Variants in BMP2K observed in about 807,000 individuals in gnomAD.
BMP2K encodes the protein BMP-2-inducible protein kinase.
A neutral mutation model predicts 116.0 loss-of-function variants in BMP2K; 74 were observed. The ratio of observed to expected loss-of-function variants is 0.64; its 90% CI spans 0.53 to 0.77. The LOEUF (loss-of-function observed/expected upper bound fraction) is 0.77. Ranked by LOEUF, BMP2K falls within the 30% of genes least tolerant of loss-of-function variation. BMP2K has a pLI of 0.00. For missense variants in BMP2K, 1,365 were observed against 1,403.6 expected (o/e 0.97, Z 0.44); for synonymous variants, 486 against 502.5 (o/e 0.97, Z 0.44).
chr4:78,891,001 C>A (rs1318220528), intron 15 of BMP2K, among the ~76,000 whole-genome samples: 1 of 152,114 alleles, frequency 6.6e-6, no homozygotes, highest in Non-Finnish European at 1.5e-5. Flanking sequence ...GAGTTTAAGA[C>A]CAGTCTGGGT....
At chr4:78,865,854 A>T (rs1732026097) in intron 10 of BMP2K, 134 bp downstream of exon 10, 3 of 846,896 alleles carry the variant, frequency 3.5e-6, no homozygotes, top group Non-Finnish European at 5.4e-6. Flanking sequence ...CTTTCTATTG[A>T]TGTCTAATAA....
At chr4:78,791,272 C>G (rs1344137357) in intron 1 of BMP2K, among the ~76,000 whole-genome samples, 1 of 152,014 alleles carries the variant, frequency 6.6e-6, no homozygotes, top group Non-Finnish European at 1.5e-5. Context: ...TCCTCAAGAC[C>G]CTTTGATAGG....
intron 15 of BMP2K, among the ~76,000 whole-genome samples, chr4:78,890,919 G>A (rs2110080024): frequency 6.6e-6 from 1 of 152,328 alleles, no homozygotes; most frequent in East Asian, 1.9e-4. Flanking sequence ...CCTAGGCTGG[G>A]TGGGGTGGCT....
At chr4:78,796,623 AG>A (rs1728298402) in intron 1 of BMP2K, among the ~76,000 whole-genome samples, 1 of 152,184 alleles carries the variant, frequency 6.6e-6, no homozygotes, top group South Asian at 2.1e-4. Flanking sequence ...GGCCACTTAA[AG>A]GAGTCCCAAA....
chr4:78,829,787 T>TTCTCTTCTCTTCTCTTCTCTTCTCTTCTC (rs1730090588), intron 2 of BMP2K, among the ~76,000 whole-genome samples: 18 of 86,644 alleles, frequency 2.1e-4, no homozygotes, highest in South Asian at 4.7e-4. Context: ...TTTCTTTTCT[T>TTCTCTTCTCTTCTCTTCTCTTCTCTTCTC]TTCTCTTCTC....
intron 1 of BMP2K, among the ~76,000 whole-genome samples, chr4:78,803,713 A>G (rs1728683235): frequency 6.6e-6 from 1 of 152,156 alleles, no homozygotes; most frequent in South Asian, 2.1e-4. Context: ...TTACTAGAGA[A>G]TTACTTTCCT....
In BMP2K at chr4:78,861,763, A is replaced by T. The variant is rs1037675500; in HGVS notation, c.1067+295A>T. Among the ~76,000 whole-genome samples, 8 of 152,074 alleles carry T rather than the reference A, an allele frequency of 5.3e-5. No individual in the cohort carries two copies. The South Asian group carries it at 1.7e-3, about 32-fold the overall frequency. ...GGATTTGTCATTTTCATCACATAGC[A>T]ACTCTAGTTTAGGAAATACTATGTT... On this transcript the variant is annotated intron_variant, in intron 9 of 15. Transcript: ENST00000502613.
intron 1 of BMP2K, among the ~76,000 whole-genome samples, chr4:78,821,063 C>A (rs1729595181): frequency 6.6e-6 from 1 of 152,150 alleles, no homozygotes; most frequent in African/African-American, 2.4e-5. Flanking sequence ...ACTGCAATGT[C>A]TTTCTTCTAC....
At chr4:78,833,518 C>A in intron 2 of BMP2K, 64 bp from the exon 3 acceptor site, 1 of 1,084,962 alleles carries the variant, frequency 9.2e-7, no homozygotes, top group Non-Finnish European at 1.3e-6. Context: ...AGGCTTCAAA[C>A]CATTACTAAT....
intron 2 of BMP2K, among the ~76,000 whole-genome samples, chr4:78,829,753 A>ACCTTT (rs1730062513): frequency 8.2e-6 from 1 of 121,992 alleles, no homozygotes; most frequent in Non-Finnish European, 1.7e-5. Context: ...CATGGAAACA[A>ACCTTT]TCTTTTCTTT....
At chr4:78,854,944 T>C (rs1013803487) in intron 7 of BMP2K, among the ~76,000 whole-genome samples, 2 of 152,064 alleles carry the variant, frequency 1.3e-5, no homozygotes, top group Non-Finnish European at 2.9e-5. Context: ...AAATAGCTAC[T>C]TAAAAGTACC....
rs1560518728 is a variant in BMP2K at position 78,829,793 on chromosome 4, TTCTCTTCTCTTCTC to T, written c.297+3640_297+3653del. Among the ~76,000 whole-genome samples the T allele has an allele frequency of 3.8e-3, 310 of 80,952 alleles. 1 individual carries two copies. The highest frequency in any genetic ancestry group is 0.013 in the African/African-American group (289 of 22,764). 53.1% of individuals were successfully genotyped at this position (80,952 alleles called of 152,430 possible). A position where few individuals can be genotyped will look rare whatever the true frequency, so the allele number is the denominator to read the frequency against. ...TTCTTTTCTTTTCTTTTCTTTTCTC[TTCTCTTCTCTTCTC>T]TTCTCTTCTCTTCTCTTCTCTTCTC... On this transcript the variant is annotated intron_variant, in intron 2 of 15. Transcript: ENST00000502613.
Position 78,910,721 on chromosome 4 carries a change from A to G in BMP2K, c.2174A>G (p.Lys725Arg). ...SPASKDQRTGKKTSVQGQVQK... is the reference protein window; with the variant it reads ...SPASKDQRTGRKTSVQGQVQK... ...GCATCTAAAGATCAGCGGACTGGAAAGAAAACCTCAGTACAGGGTCAAGTG... is the reference window on the plus strand; with the variant it reads ...GCATCTAAAGATCAGCGGACTGGAAGGAAAACCTCAGTACAGGGTCAAGTG... Residue 725 changes from lysine (K) to arginine (R), a missense_variant, in exon 16 of 16, where the codon AAG becomes AGG. Transcript: ENST00000502613. The G allele has an allele frequency of 6.2e-7, 1 of 1,613,618 alleles. No homozygotes were observed. The highest frequency in any genetic ancestry group is 1.1e-5 in the South Asian group (1 of 90,936).
intron 1 of BMP2K, among the ~76,000 whole-genome samples, chr4:78,815,752 A>G (rs1729307629): frequency 6.7e-6 from 1 of 150,244 alleles, no homozygotes; most frequent in South Asian, 2.1e-4. Flanking sequence ...ACTGTACAAG[A>G]TAATAATTAT....
intron 3 of BMP2K, among the ~76,000 whole-genome samples, chr4:78,836,989 G>T (rs576757513): frequency 6.6e-6 from 1 of 151,888 alleles, no homozygotes; most frequent in East Asian, 1.9e-4. Flanking sequence ...TTTTTGTGGC[G>T]TTTTTGTCTT....
At chr4:78,833,249 T>C (rs1474797475) in intron 2 of BMP2K, among the ~76,000 whole-genome samples, 1 of 151,196 alleles carries the variant, frequency 6.6e-6, no homozygotes, top group African/African-American at 2.4e-5. Flanking sequence ...GTTATTTTAT[T>C]TTTTAGATAA....
At chr4:78,826,218 G>T in intron 2 of BMP2K, 63 bp downstream of exon 2, 1 of 1,347,232 alleles carries the variant, frequency 7.4e-7, no homozygotes, top group Non-Finnish European at 1.1e-6. Context: ...TTTTTCTTGG[G>T]ATGGAGTGCA....
At position 78,850,981 on chromosome 4, in the gene BMP2K, C is replaced by T. The variant is rs1731223619; in HGVS notation, c.808C>T (p.Gln270Ter). ...CFFTLPFGES[Q>*]VAICDGNFTI... ...CTTCACTCTTCCTTTTGGTGAGAGT[C>T]AGGTTGCTATCTGTGATGGCAACTT... The change falls in exon 7 of 16, where the codon CAG becomes TAG. Residue 270 changes from glutamine (Q) to a stop codon, truncating the protein, a stop_gained. Transcript: ENST00000502613. LOFTEE classifies it high-confidence loss of function. 6.2e-7 allele frequency: 1 copy of T among 1,611,994 alleles called. No homozygotes were observed. The highest frequency in any genetic ancestry group is 8.5e-7 in the Non-Finnish European group (1 of 1,178,778).
chr4:78,855,058 A>G (rs1731440117), intron 7 of BMP2K, among the ~76,000 whole-genome samples: 1 of 152,140 alleles, frequency 6.6e-6, no homozygotes, highest in African/African-American at 2.4e-5. Context: ...TTTTCGGGGT[A>G]GTTACCAGGT....
Sources: allele counts gnomAD v4.1 joint callset (sites outside exome capture counted in the v4.1 genomes callset), GRCh38; gene constraint gnomAD v4.1.1; transcripts MANE v1.5; gene names NCBI Gene and HGNC (gene_info 2026-07-23, HGNC 2026-07-21).